SNTG2: variants seen among roughly 807,000 people sequenced by gnomAD.
The protein encoded by SNTG2 is syntrophin gamma 2, also known as gamma-2-syntrophin.
A neutral mutation model predicts 70.9 loss-of-function variants in SNTG2; 74 were observed. The ratio of observed to expected loss-of-function variants is 1.04; its 90% CI spans 0.86 to 1.27. The LOEUF is 1.27. Ranked by LOEUF, SNTG2 falls within the 50% of genes most tolerant of loss-of-function variation. SNTG2 has a pLI of 0.00. For synonymous variants in SNTG2, 278 were observed against 273.8 expected (o/e 1.02, Z -0.15); for missense variants, 717 against 690.7 (o/e 1.04, Z -0.43).
chr2:1,057,703 A>G (rs1320143062), intron 1 of SNTG2, among the ~76,000 whole-genome samples: 2 of 152,206 alleles, frequency 1.3e-5, no homozygotes, highest in East Asian at 3.8e-4. Context: ...CAGGATCAGT[A>G]CTTTGCATCC....
At chr2:1,123,840 T>TAGA (rs60946566) in intron 4 of SNTG2, among the ~76,000 whole-genome samples, 150,793 of 152,324 alleles carry the variant, frequency 0.99, 74,658 homozygotes, top group Non-Finnish European at 1. Flanking sequence ...TTCAGGTTAA[T>TAGA]AGAACAAGTA....
chr2:1,189,459 G>A (rs1206754219), intron 8 of SNTG2, among the ~76,000 whole-genome samples: 4 of 152,032 alleles, frequency 2.6e-5, no homozygotes, highest in Middle Eastern at 3.2e-3. Flanking sequence ...TGTTCTTCTT[G>A]TTCTTCCAGA....
chr2:1,062,322 G>A (rs916575038), intron 1 of SNTG2, among the ~76,000 whole-genome samples: 74 of 152,182 alleles, frequency 4.9e-4, no homozygotes, highest in Admixed American at 2.3e-3. Context: ...ATAAAAGCAC[G>A]AAATGATAAA....
chr2:1,337,684 T>G (rs950753441), intron 16 of SNTG2, among the ~76,000 whole-genome samples: 1 of 152,192 alleles, frequency 6.6e-6, no homozygotes, highest in Non-Finnish European at 1.5e-5. Flanking sequence ...GCACAAAAGT[T>G]ATTAATGTTG....
intron 4 of SNTG2, among the ~76,000 whole-genome samples, chr2:1,099,304 G>T (rs545378145): frequency 6.6e-6 from 1 of 152,250 alleles, no homozygotes; most frequent in African/African-American, 2.4e-5. Context: ...GTGGGCAAGC[G>T]GGTGGCCTTA....
chr2:1,026,016 A>ATTTTG (rs1025589211), intron 1 of SNTG2, among the ~76,000 whole-genome samples: 1 of 152,362 alleles, frequency 6.6e-6, no homozygotes, highest in East Asian at 1.9e-4. Context: ...CTAATTTGGC[A>ATTTTG]TTTTGTTTTG....
At chr2:1,183,391 T>C (rs548076217) in intron 8 of SNTG2, among the ~76,000 whole-genome samples, 2 of 152,298 alleles carry the variant, frequency 1.3e-5, no homozygotes, top group South Asian at 4.1e-4. Flanking sequence ...CAGGGTGATA[T>C]GATACGTGTA....
intron 8 of SNTG2, among the ~76,000 whole-genome samples, chr2:1,190,977 C>G (rs1231510691): frequency 6.6e-6 from 1 of 152,142 alleles, no homozygotes; most frequent in Non-Finnish European, 1.5e-5. Flanking sequence ...GATACAAACA[C>G]CAGAGCTGAA....
chr2:1,105,868 C>G (rs550514461), intron 4 of SNTG2, among the ~76,000 whole-genome samples: 61 of 152,346 alleles, frequency 4.0e-4, no homozygotes, highest in African/African-American at 1.3e-3. Flanking sequence ...TCCACCCTCA[C>G]CTGGAAGATC....
chr2:1,330,673 A>G (rs1572991654), intron 16 of SNTG2, among the ~76,000 whole-genome samples: 1 of 152,228 alleles, frequency 6.6e-6, no homozygotes, highest in South Asian at 2.1e-4. Flanking sequence ...AAAATTGTGC[A>G]TGCAAACATA....
At chr2:1,346,593 C>T (rs1660292488) in intron 16 of SNTG2, 1 of 152,434 alleles carries the variant, frequency 6.6e-6, no homozygotes, top group African/African-American at 2.4e-5. Context: ...AGGATGGCAA[C>T]AGGAAATCGA....
intron 14 of SNTG2, among the ~76,000 whole-genome samples, chr2:1,280,760 C>A (rs181529506): frequency 1.8e-4 from 28 of 152,376 alleles, no homozygotes; most frequent in African/African-American, 6.7e-4. Context: ...TGAATGCATT[C>A]ATTTACAAAC....
chr2:1,186,470 A>G (rs534503916), intron 8 of SNTG2, among the ~76,000 whole-genome samples: 9 of 152,220 alleles, frequency 5.9e-5, no homozygotes, highest in Non-Finnish European at 1.3e-4. Flanking sequence ...TGCTGTAAAG[A>G]AATACCTGAA....
chr2:1,229,553 C>T (rs557194206), intron 9 of SNTG2, among the ~76,000 whole-genome samples: 29 of 152,360 alleles, frequency 1.9e-4, no homozygotes, highest in Admixed American at 1.4e-3. Context: ...GATCCGGCAC[C>T]GGGGCTGCAG....
At chr2:1,364,674 C>T (rs1317100958) in intron 16 of SNTG2, among the ~76,000 whole-genome samples, 5 of 148,408 alleles carry the variant, frequency 3.4e-5, no homozygotes, top group South Asian at 2.1e-4. Flanking sequence ...GGGCGGATCA[C>T]GAGGTCAGGA....
intron 6 of SNTG2, among the ~76,000 whole-genome samples, chr2:1,151,544 C>T (rs1015766901): frequency 2.4e-4 from 36 of 152,172 alleles, no homozygotes; most frequent in African/African-American, 7.5e-4. Flanking sequence ...TAGATTGAAG[C>T]GCGATGCCCA....
chr2:1,051,111 T>C (rs893815440), intron 1 of SNTG2, among the ~76,000 whole-genome samples: 3 of 152,142 alleles, frequency 2.0e-5, no homozygotes, highest in African/African-American at 7.2e-5. Flanking sequence ...TGAAAAATGC[T>C]GGTTTTATTT....
chr2:1,057,721 C>T (rs962220329), intron 1 of SNTG2, among the ~76,000 whole-genome samples: 1 of 152,132 alleles, frequency 6.6e-6, no homozygotes, highest in African/African-American at 2.4e-5. Flanking sequence ...TCCTTCAGTC[C>T]AATCAAGTTG....
chr2:1,087,078 G>A (rs1008874670), intron 2 of SNTG2, among the ~76,000 whole-genome samples: 1 of 152,152 alleles, frequency 6.6e-6, no homozygotes. Flanking sequence ...AAGGAGGGTG[G>A]CAGGAAACGG....
Sources: allele counts gnomAD v4.1 joint callset (sites outside exome capture counted in the v4.1 genomes callset), GRCh38; gene constraint gnomAD v4.1.1; transcripts MANE v1.5; gene names NCBI Gene and HGNC (gene_info 2026-07-23, HGNC 2026-07-21).